TTC33: variants seen among roughly 807,000 people sequenced by gnomAD.
TTC33 encodes tetratricopeptide repeat domain 33.
A neutral mutation model predicts 29.4 loss-of-function variants in TTC33; 24 were observed. The ratio of observed to expected loss-of-function variants is 0.82; its 90% CI spans 0.59 to 1.15. The LOEUF is 1.15. Ranked by LOEUF, TTC33 falls within the 50% of genes most tolerant of loss-of-function variation. TTC33 has a pLI of 0.00. For missense variants in TTC33, 286 were observed against 310.4 expected (o/e 0.92, Z 0.59); for synonymous variants, 107 against 100.3 (o/e 1.07, Z -0.40).
rs984463719 is a variant in TTC33 at position 40,717,858 on chromosome 5, G to A, written c.436-1360C>T. On this transcript the variant is annotated intron_variant, in intron 4 of 4. Coordinates refer to ENST00000337702, the MANE Select transcript of TTC33 (RefSeq NM_012382.3). ...GCAGGCGGATCACCTGAGGTCAGAAGTTCAAGACCAGCCTGGCCATGGTGA... is the reference window on the plus strand; with the variant it reads ...GCAGGCGGATCACCTGAGGTCAGAAATTCAAGACCAGCCTGGCCATGGTGA... Among the ~76,000 whole-genome samples, 5 of 151,776 alleles carry A rather than the reference G, an allele frequency of 3.3e-5. No individual in the cohort carries two copies. The East Asian group carries it at 9.7e-4, about 30-fold the overall frequency.
chr5:40,753,336 C>A (rs748697837), intron 1 of TTC33, among the ~76,000 whole-genome samples: 1 of 151,346 alleles, frequency 6.6e-6, no homozygotes, highest in Non-Finnish European at 1.5e-5. Context: ...TGCACTCCAG[C>A]CTGAGCGACA....
intron 4 of TTC33, 54 bp downstream of exon 4, chr5:40,728,291 A>AAAAAAAAAAAAAAAAAAAC: frequency 8.1e-7 from 1 of 1,238,612 alleles, no homozygotes; most frequent in Non-Finnish European, 1.1e-6. Context: ...CAAAAAAAAA[A>AAAAAAAAAAAAAAAAAAAC]AAAAGTCAAA....
At chr5:40,726,045 A>G (rs1015353444) in intron 4 of TTC33, among the ~76,000 whole-genome samples, 7 of 151,664 alleles carry the variant, frequency 4.6e-5, no homozygotes, top group Non-Finnish European at 8.8e-5. Context: ...TCGGCCTCCC[A>G]AAGTGCTGGG....
At chr5:40,754,808 C>CAAAG (rs1742956972) in intron 1 of TTC33, among the ~76,000 whole-genome samples, 1 of 152,174 alleles carries the variant, frequency 6.6e-6, no homozygotes, top group African/African-American at 2.4e-5. Flanking sequence ...CTAGAGCATG[C>CAAAG]AAAGCACTTT....
At chr5:40,746,036 C>T (rs1429301878) in intron 2 of TTC33, among the ~76,000 whole-genome samples, 1 of 152,154 alleles carries the variant, frequency 6.6e-6, no homozygotes, top group Non-Finnish European at 1.5e-5. Flanking sequence ...TTTAATCCCT[C>T]CAGGGTCCAT....
Position 40,714,369 on chromosome 5 carries a change from A to G in TTC33, c.*1776T>C, listed in dbSNP as rs568332698. ...GGCATTACTTCATGTGTGAGGCACC[A>G]TGCAAGGTACTTTAAATATATTAAG... On this transcript the variant is annotated 3_prime_UTR_variant, in exon 5 of 5. Transcript: ENST00000337702. 1 of 152,348 alleles carries G rather than the reference A, an allele frequency of 6.6e-6. No individual in the cohort carries two copies. Among genetic ancestry groups the G allele is most frequent in the South Asian group, 2.1e-4 (1 of 4,826 alleles). 9.4% of individuals were successfully genotyped at this position (152,348 alleles called of 1,614,324 possible). A position where few individuals can be genotyped will look rare whatever the true frequency, so the allele number is the denominator to read the frequency against.
intron 1 of TTC33, 42 bp from the exon 2 acceptor site, chr5:40,747,061 T>A: frequency 8.0e-6 from 12 of 1,499,604 alleles, no homozygotes; most frequent in Middle Eastern, 2.1e-4. Context: ...TCTAACTTGA[T>A]CTTTTTTTTT....
At chr5:40,753,149 G>A (rs1464120910) in intron 1 of TTC33, among the ~76,000 whole-genome samples, 1 of 152,246 alleles carries the variant, frequency 6.6e-6, no homozygotes, top group East Asian at 1.9e-4. Context: ...CGGATCACCT[G>A]AGGTCAGGAG....
At chr5:40,730,992 G>C (rs952750408) in intron 2 of TTC33, among the ~76,000 whole-genome samples, 2 of 152,128 alleles carry the variant, frequency 1.3e-5, no homozygotes, top group African/African-American at 4.8e-5. Context: ...ACCTCTAAAA[G>C]CAGTAACTAT....
At chr5:40,746,254 G>A (rs1742785590) in intron 2 of TTC33, among the ~76,000 whole-genome samples, 1 of 152,118 alleles carries the variant, frequency 6.6e-6, no homozygotes, top group Non-Finnish European at 1.5e-5. Context: ...AAAAAGAAAT[G>A]GGTGCATATA....
intron 2 of TTC33, among the ~76,000 whole-genome samples, chr5:40,738,382 T>C: frequency 6.6e-6 from 1 of 150,498 alleles, no homozygotes; most frequent in African/African-American, 2.5e-5. Flanking sequence ...GCCACTGCAG[T>C]CCAGCCTGGG....
At chr5:40,737,733 T>A (rs1461741839) in intron 2 of TTC33, among the ~76,000 whole-genome samples, 1 of 152,202 alleles carries the variant, frequency 6.6e-6, no homozygotes, top group East Asian at 1.9e-4. Flanking sequence ...TGTGCCCCTT[T>A]CTCGGGAAAT....
At position 40,743,623 on chromosome 5, in the gene TTC33, A is replaced by C. The variant is rs185114; in HGVS notation, c.221+3175T>G. ...TCCCATCTCTACTAAGAATACAAAAATTAGCTGGGCATGGTGGCACACACT... is the reference window on the plus strand; with the variant it reads ...TCCCATCTCTACTAAGAATACAAAACTTAGCTGGGCATGGTGGCACACACT... On this transcript the variant is annotated intron_variant, in intron 2 of 4. Transcript: ENST00000337702. Among the ~76,000 whole-genome samples, 162 of 151,684 alleles carry C rather than the reference A, an allele frequency of 1.1e-3. 1 individual carries two copies. In the East Asian group the frequency reaches 0.026, roughly 25 times the overall value.
At chr5:40,742,047 C>T (rs1168652239) in intron 2 of TTC33, among the ~76,000 whole-genome samples, 1 of 151,958 alleles carries the variant, frequency 6.6e-6, no homozygotes, top group African/African-American at 2.4e-5. Flanking sequence ...GTTTTTGCCC[C>T]TTCTCTCAAA....
intron 4 of TTC33, among the ~76,000 whole-genome samples, chr5:40,725,336 A>C (rs1166316719): frequency 6.6e-6 from 1 of 152,102 alleles, no homozygotes; most frequent in East Asian, 1.9e-4. Flanking sequence ...TTGTCTGGAA[A>C]TTATCACTTG....
At chr5:40,724,800 C>T (rs1742241045) in intron 4 of TTC33, among the ~76,000 whole-genome samples, 1 of 151,626 alleles carries the variant, frequency 6.6e-6, no homozygotes. Flanking sequence ...GATAATGCAG[C>T]TTGACTCAAA....
intron 2 of TTC33, among the ~76,000 whole-genome samples, chr5:40,738,836 C>T (rs1010941293): frequency 1.3e-5 from 2 of 151,978 alleles, no homozygotes; most frequent in Non-Finnish European, 2.9e-5. Context: ...CTTGGTCATT[C>T]ATATATTTTC....
Position 40,746,818 on chromosome 5 carries a change from G to A in TTC33, c.201C>T (p.Ala67=), listed in dbSNP as rs1409601757. ...CATACCTTTTATTTTCAGCCAAACT[G>A]GCTCCTTCATCCTTCAGCTGTTTAC... ...EKSKQLKDEG[A]SLAENKRYRE... The change falls in exon 2 of 5, where the codon GCC becomes GCT. Residue 67 remains alanine (A), a synonymous_variant. Coordinates refer to ENST00000337702, the MANE Select transcript of TTC33 (RefSeq NM_012382.3). 2 of 1,611,088 alleles carry A rather than the reference G, an allele frequency of 1.2e-6. No individual in the cohort carries two copies. The highest frequency in any genetic ancestry group is 1.7e-6 in the Non-Finnish European group (2 of 1,179,148).
intron 2 of TTC33, among the ~76,000 whole-genome samples, chr5:40,732,110 C>T (rs972418459): frequency 6.6e-6 from 1 of 152,316 alleles, no homozygotes; most frequent in South Asian, 2.1e-4. Context: ...CTCTTGGGCT[C>T]AAGGGCCTCC....
Sources: gnomAD v4.1 joint callset for allele counts (sites outside exome capture counted in the v4.1 genomes callset) on GRCh38, gnomAD v4.1.1 for gene constraint, MANE v1.5 for transcripts, NCBI Gene and HGNC (gene_info 2026-07-23, HGNC 2026-07-21) for gene names.